FHIT: variants seen among roughly 807,000 people sequenced by gnomAD.
FHIT encodes the protein fragile histidine triad diadenosine triphosphatase, also known as bis(5'-adenosyl)-triphosphatase.
In FHIT, 19 loss-of-function variants were observed where a neutral mutation model predicts 17.9. The ratio of observed to expected loss-of-function variants is 1.06; its 90% CI spans 0.74 to 1.56. The LOEUF is 1.56. FHIT is among the 40% of genes most tolerant of loss of function. The probability of loss-of-function intolerance (pLI) is 0.00; values close to 1 mark genes in which losing one functional copy is unlikely to be tolerated. For synonymous variants in FHIT, 81 were observed against 69.7 expected, an observed-to-expected ratio of 1.16 and a Z score of -0.81; for missense variants, 248 against 189.2, an observed-to-expected ratio of 1.31 and a Z score of -1.82.
intron 5 of FHIT, among the ~76,000 whole-genome samples, chr3:60,206,040 G>A (rs1340389266): frequency 6.6e-6 from 1 of 151,032 alleles, no homozygotes; most frequent in Admixed American, 6.6e-5. Context: ...GGCTGAGGCA[G>A]GAGAATGGCG....
intron 5 of FHIT, among the ~76,000 whole-genome samples, chr3:60,139,007 G>T (rs1337847183): frequency 1.3e-5 from 2 of 152,044 alleles, no homozygotes; most frequent in Middle Eastern, 3.2e-3. Context: ...AAAGATGAGT[G>T]CCCAAAAGCC....
At chr3:61,202,953 G>A (rs2039075554) in intron 1 of FHIT, among the ~76,000 whole-genome samples, 2 of 152,046 alleles carry the variant, frequency 1.3e-5, no homozygotes, top group South Asian at 2.1e-4. Context: ...GGCCGAGGCA[G>A]GCAGATCACG....
At chr3:60,940,610 T>C (rs1253146887) in intron 3 of FHIT, among the ~76,000 whole-genome samples, 1 of 152,200 alleles carries the variant, frequency 6.6e-6, no homozygotes, top group African/African-American at 2.4e-5. Flanking sequence ...TATGATGACA[T>C]CTTTATCAAT....
At chr3:60,090,574 C>T (rs1703688026) in intron 5 of FHIT, among the ~76,000 whole-genome samples, 2 of 152,140 alleles carry the variant, frequency 1.3e-5, no homozygotes, top group Non-Finnish European at 2.9e-5. Context: ...TCTTCTGACA[C>T]CCACAAGTAA....
intron 3 of FHIT, among the ~76,000 whole-genome samples, chr3:60,972,069 T>G (rs1710043612): frequency 6.6e-6 from 1 of 152,148 alleles, no homozygotes; most frequent in African/African-American, 2.4e-5. Flanking sequence ...TGTCAATGAG[T>G]GCTTAAATTG....
intron 4 of FHIT, among the ~76,000 whole-genome samples, chr3:60,625,323 T>C (rs944272947): frequency 2.6e-5 from 4 of 152,224 alleles, no homozygotes; most frequent in African/African-American, 9.6e-5. Flanking sequence ...AATTGCTGAA[T>C]CATATGGCAA....
intron 2 of FHIT, among the ~76,000 whole-genome samples, chr3:61,096,261 C>T (rs2106830506): frequency 6.6e-6 from 1 of 152,314 alleles, no homozygotes; most frequent in East Asian, 1.9e-4. Context: ...ATGCCTCTAC[C>T]TTGCAAAGTG....
At chr3:60,340,310 G>A (rs1327204722) in intron 5 of FHIT, among the ~76,000 whole-genome samples, 2 of 152,152 alleles carry the variant, frequency 1.3e-5, no homozygotes, top group East Asian at 3.8e-4. Context: ...AAAAACATAT[G>A]GCTTTCTTTG....
intron 4 of FHIT, among the ~76,000 whole-genome samples, chr3:60,591,775 G>C (rs2038093504): frequency 1.3e-5 from 2 of 152,002 alleles, no homozygotes; most frequent in Non-Finnish European, 2.9e-5. Flanking sequence ...TTTCCATACA[G>C]AAATTATTCC....
intron 4 of FHIT, among the ~76,000 whole-genome samples, chr3:60,723,300 G>A (rs1394943883): frequency 1.3e-5 from 2 of 152,160 alleles, no homozygotes; most frequent in Admixed American, 6.5e-5. Context: ...ATCCTTAGAA[G>A]GCCTGTTTGC....
chr3:60,678,008 A>G (rs782404721), intron 4 of FHIT, among the ~76,000 whole-genome samples: 2 of 152,038 alleles, frequency 1.3e-5, no homozygotes, highest in Non-Finnish European at 2.9e-5. Context: ...TATCATTTGT[A>G]ATGTCTTCTT....
intron 5 of FHIT, among the ~76,000 whole-genome samples, chr3:60,109,208 T>A (rs923147787): frequency 3.3e-5 from 5 of 152,084 alleles, no homozygotes; most frequent in African/African-American, 1.2e-4. Context: ...TTCTCCCCCA[T>A]CTCATATATT....
chr3:60,072,755 A>G (rs565126247), intron 5 of FHIT, among the ~76,000 whole-genome samples: 7 of 152,310 alleles, frequency 4.6e-5, no homozygotes, highest in African/African-American at 1.7e-4. Flanking sequence ...CATCTTCTGT[A>G]CTATTCTCTA....
intron 5 of FHIT, among the ~76,000 whole-genome samples, chr3:60,364,933 T>C (rs1231864498): frequency 6.6e-6 from 1 of 152,102 alleles, no homozygotes; most frequent in Non-Finnish European, 1.5e-5. Context: ...GATTAAATCA[T>C]ACCATAGGCT....
Position 59,748,067 on chromosome 3 carries a change from C to T in FHIT, c.*1518G>A, listed in dbSNP as rs1443261325. On this transcript the variant is annotated 3_prime_UTR_variant, in exon 10 of 10. Transcript: ENST00000492590. ...TGGTGGCTAGCCTCACTTTTTAACACAGAGACTGAATCTCACTCCTAGTTG... is the reference window on the plus strand; with the variant it reads ...TGGTGGCTAGCCTCACTTTTTAACATAGAGACTGAATCTCACTCCTAGTTG... Among the ~76,000 whole-genome samples the T allele has an allele frequency of 6.6e-6, 1 of 152,134 alleles. No individual in the cohort carries two copies. The highest frequency in any genetic ancestry group is 2.4e-5 in the African/African-American group (1 of 41,414).
intron 5 of FHIT, among the ~76,000 whole-genome samples, chr3:60,362,666 C>G (rs150773817): frequency 1.4e-4 from 21 of 152,180 alleles, no homozygotes; most frequent in Non-Finnish European, 7.3e-5. Context: ...TTATCACCTA[C>G]GTGAACAGAG....
intron 5 of FHIT, among the ~76,000 whole-genome samples, chr3:60,361,348 G>C (rs1281232774): frequency 6.6e-6 from 1 of 152,020 alleles, no homozygotes; most frequent in East Asian, 1.9e-4. Context: ...GTGTTTGTCA[G>C]GCAAAAAAAT....
intron 8 of FHIT, among the ~76,000 whole-genome samples, chr3:59,782,297 A>G (rs1702627904): frequency 1.3e-5 from 2 of 151,894 alleles, no homozygotes; most frequent in Admixed American, 6.6e-5. Flanking sequence ...TGAATTTTGG[A>G]TTTTGTAGTT....
At chr3:60,612,457 AT>A (rs1386362253) in intron 4 of FHIT, among the ~76,000 whole-genome samples, 1 of 152,196 alleles carries the variant, frequency 6.6e-6, no homozygotes, top group Non-Finnish European at 1.5e-5. Flanking sequence ...CAAAACAAAA[AT>A]ACTCTTTTAC....
Sources: gnomAD v4.1 joint callset for allele counts (sites outside exome capture counted in the v4.1 genomes callset) on GRCh38, gnomAD v4.1.1 for gene constraint, MANE v1.5 for transcripts, NCBI Gene and HGNC (gene_info 2026-07-23, HGNC 2026-07-21) for gene names.